CNTNAP2: variants seen among roughly 807,000 people sequenced by gnomAD.
CNTNAP2 encodes contactin associated protein 2.
CNTNAP2 carries 98 observed loss-of-function variants against 155.2 expected under a neutral mutation model. That is an observed-to-expected ratio of 0.63 (90% confidence interval 0.54 to 0.75). CNTNAP2 has a LOEUF of 0.75. CNTNAP2 is among the 30% of genes least tolerant of loss of function. The probability of loss-of-function intolerance (pLI) is 0.00; values close to 1 mark genes in which losing one functional copy is unlikely to be tolerated. For synonymous variants in CNTNAP2, 651 were observed against 631.2 expected (o/e 1.03, Z -0.47); for missense variants, 1,727 against 1,688.1 (o/e 1.02, Z -0.40).
intron 1 of CNTNAP2, among the ~76,000 whole-genome samples, chr7:146,542,667 G>T (rs1383628567): frequency 6.6e-6 from 1 of 151,836 alleles, no homozygotes; most frequent in East Asian, 1.9e-4. Flanking sequence ...TAACTGTAAT[G>T]GTGTTGGTTG....
chr7:147,209,298 G>A (rs1474872788), intron 8 of CNTNAP2, among the ~76,000 whole-genome samples: 1 of 152,000 alleles, frequency 6.6e-6, no homozygotes, highest in African/African-American at 2.4e-5. Flanking sequence ...TCTCCTGGTA[G>A]AGATCTTTCA....
chr7:147,045,877 CAT>C (rs1488152460), intron 4 of CNTNAP2, among the ~76,000 whole-genome samples: 10 of 148,462 alleles, frequency 6.7e-5, no homozygotes, highest in Non-Finnish European at 5.9e-5. Context: ...CATATACGTG[CAT>C]ATATATATAT....
chr7:146,598,552 CA>C (rs1387097422), intron 1 of CNTNAP2, among the ~76,000 whole-genome samples: 3 of 152,096 alleles, frequency 2.0e-5, no homozygotes, highest in Non-Finnish European at 2.9e-5. Flanking sequence ...GTCCAACAGT[CA>C]ATTCACATTC....
At chr7:148,357,253 C>G (rs1585302794) in intron 21 of CNTNAP2, among the ~76,000 whole-genome samples, 1 of 152,158 alleles carries the variant, frequency 6.6e-6, no homozygotes, top group South Asian at 2.1e-4. Flanking sequence ...TGCATGAGCT[C>G]TCTTGCCTGC....
intron 3 of CNTNAP2, among the ~76,000 whole-genome samples, chr7:147,001,366 C>A (rs982868804): frequency 2.6e-5 from 4 of 151,774 alleles, no homozygotes; most frequent in Admixed American, 2.0e-4. Context: ...CTATTGGGCA[C>A]CTTTAAATGG....
chr7:147,031,006 TG>T (rs1231960839), intron 3 of CNTNAP2, among the ~76,000 whole-genome samples: 1 of 152,214 alleles, frequency 6.6e-6, no homozygotes, highest in Admixed American at 6.5e-5. Context: ...ACTCTTCACT[TG>T]GAAGATGAGT....
chr7:146,387,329 C>G (rs1047480892), intron 1 of CNTNAP2, among the ~76,000 whole-genome samples: 1 of 152,144 alleles, frequency 6.6e-6, no homozygotes, highest in Non-Finnish European at 1.5e-5. Context: ...CATTCAAGAT[C>G]CTTGTCAGCT....
chr7:146,475,554 G>C (rs1308613239), intron 1 of CNTNAP2, among the ~76,000 whole-genome samples: 1 of 152,082 alleles, frequency 6.6e-6, no homozygotes, highest in African/African-American at 2.4e-5. Context: ...TGGACAGGAT[G>C]GTATAATGAT....
intron 1 of CNTNAP2, among the ~76,000 whole-genome samples, chr7:146,160,143 A>G (rs953161433): frequency 3.9e-5 from 6 of 152,212 alleles, no homozygotes; most frequent in Admixed American, 6.5e-5. Flanking sequence ...TTTGAAACCA[A>G]TGAGAACAAA....
rs1798152695 is a variant in CNTNAP2, at chr7:147,809,862, C to T, written c.2099-93703C>T. On this transcript the variant is annotated intron_variant, in intron 13 of 23. Coordinates refer to ENST00000361727, the MANE Select transcript of CNTNAP2 (RefSeq NM_014141.6). The stretch of plus-strand genomic sequence containing the variant: ...GAATGTAGAATCTCTTCTTCATTCC[C>T]GTGTGAGGTGCTGAGGAAGGCTGGA... 2.6e-5 allele frequency among the ~76,000 whole-genome samples: 4 copies of T among 152,142 alleles called. No homozygotes were observed. In the South Asian group the frequency reaches 8.3e-4, roughly 32 times the overall value.
chr7:146,614,619 G>T (rs1011297869), intron 1 of CNTNAP2, among the ~76,000 whole-genome samples: 1 of 152,184 alleles, frequency 6.6e-6, no homozygotes, highest in Non-Finnish European at 1.5e-5. Context: ...CAGGGAAAAT[G>T]GTTAAGGTAG....
intron 13 of CNTNAP2, among the ~76,000 whole-genome samples, chr7:147,676,045 T>A (rs934175242): frequency 6.6e-6 from 1 of 152,122 alleles, no homozygotes; most frequent in African/African-American, 2.4e-5. Context: ...CCATTGTTAA[T>A]TTATTGATTA....
intron 2 of CNTNAP2, among the ~76,000 whole-genome samples, chr7:146,779,748 G>A (rs754838322): frequency 1.5e-4 from 23 of 152,076 alleles, no homozygotes; most frequent in Admixed American, 2.0e-4. Flanking sequence ...TTAAGAATGC[G>A]TCATCTTCTC....
chr7:146,773,811 C>A (rs1385454628), intron 1 of CNTNAP2, among the ~76,000 whole-genome samples: 5 of 152,214 alleles, frequency 3.3e-5, no homozygotes, highest in Non-Finnish European at 7.3e-5. Flanking sequence ...TCTCACATAA[C>A]TGAAATTTTA....
At position 148,176,884 on chromosome 7, in the gene CNTNAP2, G is replaced by A. The variant is rs753006557; in HGVS notation, c.3010+4406G>A. 2.2e-4 allele frequency among the ~76,000 whole-genome samples: 34 copies of A among 152,134 alleles called. 1 individual carries two copies. On this transcript the variant is annotated intron_variant, in intron 18 of 23. Transcript: ENST00000361727. ...TGGGTCTGTCATCCCCAGGATTATTGGGGACCGAATGGATAGTTGCTTGGT... is the reference window on the plus strand; with the variant it reads ...TGGGTCTGTCATCCCCAGGATTATTAGGGACCGAATGGATAGTTGCTTGGT...
At chr7:146,970,103 A>C (rs1797751262) in intron 3 of CNTNAP2, among the ~76,000 whole-genome samples, 1 of 152,216 alleles carries the variant, frequency 6.6e-6, no homozygotes, top group Admixed American at 6.5e-5. Context: ...AAACCATAAA[A>C]ACCCTAGAAG....
intron 2 of CNTNAP2, among the ~76,000 whole-genome samples, chr7:146,820,103 G>A (rs1028443156): frequency 3.3e-5 from 5 of 152,174 alleles, no homozygotes; most frequent in Non-Finnish European, 7.3e-5. Context: ...GGTATGTAGA[G>A]CATCTCATGC....
At chr7:147,709,192 G>T (rs780701966) in intron 13 of CNTNAP2, among the ~76,000 whole-genome samples, 8 of 152,236 alleles carry the variant, frequency 5.3e-5, no homozygotes, top group Non-Finnish European at 7.4e-5. Context: ...GATGGTACAA[G>T]GGCCAGGTCA....
At chr7:147,031,943 T>A (rs975020098) in intron 3 of CNTNAP2, among the ~76,000 whole-genome samples, 1 of 152,104 alleles carries the variant, frequency 6.6e-6, no homozygotes, top group African/African-American at 2.4e-5. Context: ...TAACTATGGT[T>A]ATAGAAATCA....
Sources: allele counts gnomAD v4.1 joint callset (sites outside exome capture counted in the v4.1 genomes callset), GRCh38; gene constraint gnomAD v4.1.1; transcripts MANE v1.5; gene names NCBI Gene and HGNC (gene_info 2026-07-23, HGNC 2026-07-21).